Variants in ACBD4 observed in about 807,000 individuals in gnomAD.
The protein encoded by ACBD4 is acyl-CoA binding domain containing 4, also known as acyl-CoA-binding domain-containing protein 4.
Under a neutral mutation model 46.0 loss-of-function variants are expected in ACBD4, and 41 were observed. That is an observed-to-expected ratio of 0.89 (90% CI 0.69 to 1.16). ACBD4 has a LOEUF of 1.16. Among genes scored for constraint, ACBD4 ranks in the 50% most tolerant of loss-of-function variants. The pLI is 0.00. For synonymous variants in ACBD4, 162 were observed against 155.9 expected (o/e 1.04, Z -0.29); for missense variants, 393 against 399.5 (o/e 0.98, Z 0.14).
upstream of ACBD4, chr17:45,132,109 G>T (rs1250129878): frequency 7.3e-6 from 7 of 954,074 alleles, no homozygotes; most frequent in Non-Finnish European, 9.5e-6. This position sits in a 1 kb window ranked among gnomAD's most constrained non-coding sequence, Gnocchi z 4.6. Flanking sequence ...CAGCTGGAGG[G>T]AGCTGGCCCT....
rs546790569 is a variant in ACBD4, at chr17:45,139,016, C to T, written c.650-5C>T. On this transcript the variant is annotated splice_region_variant and splice_polypyrimidine_tract_variant and intron_variant, in intron 8 of 9. Transcript: ENST00000321854. ...CCCCCTTCCCTGTGTGTCTGTGCTC[C>T]GCAGAGGGGTTGCGGGGCAGCCCGC... 31 of 1,612,494 alleles carry T rather than the reference C, an allele frequency of 1.9e-5. No homozygotes were observed. Among genetic ancestry groups the T allele is most frequent in the Non-Finnish European group, 2.3e-5 (27 of 1,179,900 alleles).
Position 45,136,172 on chromosome 17 carries a change from C to T in ACBD4, c.28C>T (p.Pro10Ser). The change falls in exon 2 of 10, where the codon CCC becomes TCC. Residue 10 changes from proline (P) to serine (S), a missense_variant. Physicochemically the swap from Pro to Ser is moderately conservative, Grantham distance 74. This residue lies in a region of ACBD4 where 61 missense variants were observed against 50.3 expected (regional missense o/e 1.21). Transcript: ENST00000321854. Reference sequence around the variant, plus strand: ...GGGCACCGAGAAAGAAAGCCCAGAGCCCGACTGCCAGAAACAGTTCCAGGC... The same window carrying T: ...GGGCACCGAGAAAGAAAGCCCAGAGTCCGACTGCCAGAAACAGTTCCAGGC... MGTEKESPE[P>S]DCQKQFQAAV... 1 of 1,613,690 alleles carries T rather than the reference C, an allele frequency of 6.2e-7. No individual in the cohort carries two copies. Among genetic ancestry groups the T allele is most frequent in the Non-Finnish European group, 8.5e-7 (1 of 1,179,850 alleles).
rs1426653828 is a variant in ACBD4, at chr17:45,135,714, A to AG, written c.-276dup. 6 of 159,100 alleles carry AG rather than the reference A, an allele frequency of 3.8e-5. No individual in the cohort carries two copies. Among genetic ancestry groups the AG allele is most frequent in the South Asian group, 1.7e-4 (1 of 5,982 alleles). The allele number at this position is 159,100 out of a possible 1,614,324, so 9.9% of individuals were successfully genotyped here. A position where few individuals can be genotyped will look rare whatever the true frequency, so the allele number is the denominator to read the frequency against. On this transcript the variant is annotated 5_prime_UTR_variant, in exon 1 of 10. Coordinates refer to ENST00000321854, the MANE Select transcript of ACBD4 (RefSeq NM_001135705.3). ...TAGGAAGCCGCGGGGTGGTGGCGAG[A>AG]GAGGACCCAGGTGTCCTGGCAGTGG...
Position 45,143,554 on chromosome 17 carries a change from C to T in ACBD4, c.901C>T (p.Arg301Trp), listed in dbSNP as rs35205304. ...FVVQWLFRMF[R>W]TQKR is the part of the protein sequence containing the mutation. ...CGTCCAGTGGCTCTTCCGAATGTTT[C>T]GGACCCAAAAGAGGTGACTGTCAGT... Residue 301 changes from arginine (R) to tryptophan (W), a missense_variant, in exon 10 of 10, where the codon CGG (arginine) becomes TGG (tryptophan). Around this residue, in one of 3 missense-constraint regions of ACBD4, gnomAD observed 308 missense variants for 301.8 expected, o/e 1.02. Coordinates refer to ENST00000321854, the MANE Select transcript of ACBD4 (RefSeq NM_001135705.3). The T allele has an allele frequency of 1.3e-4, 209 of 1,614,090 alleles. No homozygotes were observed. The African/African-American group carries it at 2.5e-3, about 20-fold the overall frequency.
chr17:45,143,823 T>C lies in ACBD4; in HGVS notation c.*252T>C, dbSNP rs1230459723. 13 of 592,846 alleles carry C rather than the reference T, an allele frequency of 2.2e-5. No individual in the cohort carries two copies. The East Asian group carries it at 4.0e-4, about 18-fold the overall frequency. The allele number at this position is 592,846 out of a possible 1,614,324, so 36.7% of individuals were successfully genotyped here. Reference sequence around the variant, plus strand: ...CTGCAGTTGTGGTACACGTCCCCGGTGCTGGGTTGGCCGTGACTCGGGGGC... The same window carrying C: ...CTGCAGTTGTGGTACACGTCCCCGGCGCTGGGTTGGCCGTGACTCGGGGGC... On this transcript the variant is annotated 3_prime_UTR_variant, in exon 10 of 10. Coordinates refer to ENST00000321854, the MANE Select transcript of ACBD4 (RefSeq NM_001135705.3).
chr17:45,142,072 C>T (rs1264454430), intron 9 of ACBD4, among the ~76,000 whole-genome samples: 2 of 152,070 alleles, frequency 1.3e-5, no homozygotes, highest in African/African-American at 4.8e-5. Flanking sequence ...TTCATTCTTT[C>T]TCTTTAGTTA....
At chr17:45,138,318 C>T (rs1387761997) in intron 8 of ACBD4, 7 of 442,716 alleles carry the variant, frequency 1.6e-5, no homozygotes, top group South Asian at 5.7e-5. Flanking sequence ...TGGACTCCCC[C>T]GTTTGGAAAT....
chr17:45,143,754 C>T lies in ACBD4; in HGVS notation c.*183C>T, dbSNP rs1441444815. On this transcript the variant is annotated 3_prime_UTR_variant, in exon 10 of 10. Transcript: ENST00000321854. ...ACCCCTCCCTGCAGCTTCACAGGGA[C>T]GCTTCCTTCCCTCCCCGCAACCACC... 6.8e-5 allele frequency: 68 copies of T among 1,002,544 alleles called. No homozygotes were observed. Among genetic ancestry groups the T allele is most frequent in the East Asian group, 2.7e-5 (1 of 37,732 alleles). The allele number at this position is 1,002,544 out of a possible 1,614,324, so 62.1% of individuals were successfully genotyped here.
chr17:45,142,404 A>G, intron 9 of ACBD4, among the ~76,000 whole-genome samples: 1 of 148,792 alleles, frequency 6.7e-6, no homozygotes. Context: ...AAAAAAAAAA[A>G]AAAAAAAAAA....
chr17:45,132,366 C>T (rs751188083), upstream of ACBD4: 4 of 1,229,616 alleles, frequency 3.3e-6, no homozygotes, highest in Non-Finnish European at 4.1e-6. This position sits in a 1 kb window ranked among gnomAD's most constrained non-coding sequence, Gnocchi z 4.6. Context: ...CCACCGGGGG[C>T]TCCTCGGGCG....
chr17:45,140,365 T>G (rs1055670456), intron 9 of ACBD4, among the ~76,000 whole-genome samples: 1 of 150,722 alleles, frequency 6.6e-6, no homozygotes, highest in Non-Finnish European at 1.5e-5. Flanking sequence ...GTATTTTTAG[T>G]AGAGACGGGG....
At chr17:45,138,989 A>G (rs746706639) in intron 8 of ACBD4, 32 bp from the exon 9 acceptor site, 34 of 1,610,008 alleles carry the variant, frequency 2.1e-5, no homozygotes, top group Non-Finnish European at 2.6e-5. Flanking sequence ...TTGCCTCCTG[A>G]GCCCCCTTCC....
rs2054794687 is a variant in ACBD4, at chr17:45,135,963, G to A, written c.-38+10G>A. 1 of 614,000 alleles carries A rather than the reference G, an allele frequency of 1.6e-6. No homozygotes were observed. The highest frequency in any genetic ancestry group is 3.0e-5 in the Admixed American group (1 of 33,510). 38.0% of individuals were successfully genotyped at this position (614,000 alleles called of 1,614,324 possible). A position where few individuals can be genotyped will look rare whatever the true frequency, so the allele number is the denominator to read the frequency against. The stretch of plus-strand genomic sequence containing the variant: ...ACCACACTGCCTTGAGGTAGGAAAA[G>A]GAGGCTCCTCAACCACAACTTCTGA... On this transcript the variant is annotated intron_variant, in intron 1 of 9. Transcript: ENST00000321854.
At chr17:45,132,372 G>A (rs534992324), upstream of ACBD4, 9 of 1,228,516 alleles carry the variant, frequency 7.3e-6, no homozygotes, top group South Asian at 1.2e-4. The surrounding 1 kb of genome is among the most constrained non-coding windows in gnomAD (Gnocchi z 4.6). Context: ...GGGGCTCCTC[G>A]GGCGGGCGGC....
upstream of ACBD4, chr17:45,132,697 C>G (rs1249924651): frequency 4.8e-6 from 1 of 207,354 alleles, no homozygotes; most frequent in Non-Finnish European, 9.5e-6. The surrounding 1 kb of genome is among the most constrained non-coding windows in gnomAD (Gnocchi z 4.6). Flanking sequence ...GGGCGAGCCT[C>G]TGATCTTGGC....
upstream of ACBD4, chr17:45,133,050 G>A (rs2054536688): frequency 2.0e-5 from 3 of 152,466 alleles, no homozygotes; most frequent in Admixed American, 2.0e-4. Flanking sequence ...TGCCCCCTCG[G>A]AGAGCCACAG....
chr17:45,139,229 G>T (rs573664087), intron 9 of ACBD4, 69 bp downstream of exon 9: 2 of 1,567,210 alleles, frequency 1.3e-6, no homozygotes, highest in South Asian at 1.1e-5. Flanking sequence ...TCCTCTTCCA[G>T]CCACTTTTGT....
intron 4 of ACBD4, 43 bp from the exon 5 acceptor site, chr17:45,136,976 G>A (rs1202759653): frequency 6.2e-7 from 1 of 1,612,528 alleles, no homozygotes; most frequent in African/African-American, 1.3e-5. Context: ...GGGAGGAAGG[G>A]ACAGGAGGCC....
At chr17:45,137,301 G>C in intron 5 of ACBD4, 67 bp from the exon 6 acceptor site, 1 of 1,604,640 alleles carries the variant, frequency 6.2e-7, no homozygotes, top group Non-Finnish European at 8.5e-7. Context: ...TCACGAGTAG[G>C]GGCTTGATCA....
Sources: gnomAD v4.1 joint callset for allele counts (sites outside exome capture counted in the v4.1 genomes callset) on GRCh38, gnomAD v4.1.1 for gene constraint, gnomAD v4.1.1 regional missense constraint, Gnocchi (gnomAD v3.1) non-coding constraint, MANE v1.5 for transcripts, NCBI Gene and HGNC (gene_info 2026-07-23, HGNC 2026-07-21) for gene names.